Variants in STRN observed in about 807,000 individuals in gnomAD.
STRN encodes the protein protein phosphatase 2 regulatory subunit B'''alpha.
In STRN, 53 loss-of-function variants were observed where a neutral mutation model predicts 96.3. The ratio of observed to expected loss-of-function variants is 0.55; its 90% CI spans 0.44 to 0.69. The LOEUF is 0.69. STRN is among the 30% of genes least tolerant of loss of function. The pLI is 0.00. For synonymous variants in STRN, 428 were observed against 355.9 expected, an observed-to-expected ratio of 1.20 and a Z score of -2.28; for missense variants, 987 against 963.9, an observed-to-expected ratio of 1.02 and a Z score of -0.32.
In STRN at chr2:36,845,532, G is replaced by T. The variant is rs575638236; in HGVS notation, c.*3924C>A. ...TTTAACCTAAAAATATTTACTAGTT[G>T]AATCTTTACCACATAAGAACTTCAT... On this transcript the variant is annotated 3_prime_UTR_variant, in exon 18 of 18. Coordinates refer to ENST00000263918, the MANE Select transcript of STRN (RefSeq NM_003162.4). The T allele has an allele frequency of 1.3e-5, 2 of 152,150 alleles. No individual in the cohort carries two copies. The highest frequency in any genetic ancestry group is 4.8e-5 in the African/African-American group (2 of 41,520). The allele number at this position is 152,150 out of a possible 1,614,324, so 9.4% of individuals were successfully genotyped here.
intron 1 of STRN, 48 bp downstream of exon 1, chr2:36,966,182 G>GGGTCC: frequency 6.8e-7 from 1 of 1,477,686 alleles, no homozygotes; most frequent in South Asian, 1.3e-5. Flanking sequence ...CGGGGCGGAA[G>GGGTCC]GGAGCAAAGA....
intron 2 of STRN, among the ~76,000 whole-genome samples, chr2:36,917,757 A>G (rs1670148088): frequency 1.3e-5 from 2 of 152,064 alleles, no homozygotes; most frequent in African/African-American, 4.8e-5. Context: ...GTACATGAGT[A>G]TTTTTTATAA....
At chr2:36,853,947 A>G (rs1017706369) in intron 15 of STRN, among the ~76,000 whole-genome samples, 6 of 152,216 alleles carry the variant, frequency 3.9e-5, no homozygotes, top group Admixed American at 6.5e-5. Flanking sequence ...TTTGTTAAAA[A>G]CATTCTTGGA....
At position 36,841,786 on chromosome 2, in the gene STRN, G is replaced by C. The variant is rs1023751801; in HGVS notation, c.*7670C>G. The C allele has an allele frequency of 2.6e-5, 4 of 152,134 alleles. No individual in the cohort carries two copies. Among genetic ancestry groups the C allele is most frequent in the East Asian group, 1.9e-4 (1 of 5,200 alleles). The allele number at this position is 152,134 out of a possible 1,614,324, so 9.4% of individuals were successfully genotyped here. A position where few individuals can be genotyped will look rare whatever the true frequency, so the allele number is the denominator to read the frequency against. On this transcript the variant is annotated 3_prime_UTR_variant, in exon 18 of 18. Coordinates refer to ENST00000263918, the MANE Select transcript of STRN (RefSeq NM_003162.4). ...TGCCATGGGGCTCTAGGATACTTTTGATATATTTCCTAAAAATATTTAATT... is the reference window on the plus strand; with the variant it reads ...TGCCATGGGGCTCTAGGATACTTTTCATATATTTCCTAAAAATATTTAATT...
intron 1 of STRN, among the ~76,000 whole-genome samples, chr2:36,957,742 G>GTTTGT (rs1158709835): frequency 9.7e-6 from 1 of 103,132 alleles, no homozygotes; most frequent in Non-Finnish European, 1.9e-5. Context: ...TCTTCTTTTT[G>GTTTGT]TCTTTTTTTT....
At chr2:36,939,088 T>C (rs560523508) in intron 1 of STRN, among the ~76,000 whole-genome samples, 1 of 151,970 alleles carries the variant, frequency 6.6e-6, no homozygotes, top group Admixed American at 6.6e-5. Flanking sequence ...CTGGTTCAAG[T>C]GATTCTCCTG....
At position 36,854,218 on chromosome 2, in the gene STRN, G is replaced by A. The variant is rs1472683745; in HGVS notation, c.1978+994C>T. ...CATATTAGTTTTTTATTTTGCTACTGTAGCTTTGAGTCATATATTTAAACA... is the reference window on the plus strand; with the variant it reads ...CATATTAGTTTTTTATTTTGCTACTATAGCTTTGAGTCATATATTTAAACA... On this transcript the variant is annotated intron_variant, in intron 15 of 17. Transcript: ENST00000263918. 2.6e-5 allele frequency among the ~76,000 whole-genome samples: 4 copies of A among 152,074 alleles called. No homozygotes were observed. In the East Asian group the frequency reaches 7.7e-4, roughly 29 times the overall value.
intron 12 of STRN, among the ~76,000 whole-genome samples, chr2:36,862,843 T>C (rs971465907): frequency 6.6e-6 from 1 of 152,022 alleles, no homozygotes; most frequent in Non-Finnish European, 1.5e-5. Context: ...CACGCCGTTC[T>C]CCTGCCTCAG....
At chr2:36,964,071 CACAA>C in intron 1 of STRN, among the ~76,000 whole-genome samples, 1 of 151,026 alleles carries the variant, frequency 6.6e-6, no homozygotes, top group East Asian at 1.9e-4. Flanking sequence ...AAACATTTGC[CACAA>C]ACAACCCAGG....
intron 1 of STRN, among the ~76,000 whole-genome samples, chr2:36,949,028 G>A (rs554430517): frequency 1.3e-5 from 2 of 152,286 alleles, no homozygotes; most frequent in South Asian, 4.1e-4. Context: ...TATACATGAT[G>A]GTGGTCCCAT....
chr2:36,855,103 A>G, intron 15 of STRN, 109 bp downstream of exon 15: 1 of 1,163,292 alleles, frequency 8.6e-7, no homozygotes, highest in Non-Finnish European at 1.2e-6. Context: ...GAAAGTTAAG[A>G]GACAGAAAGC....
At chr2:36,950,115 A>G (rs6712744) in intron 1 of STRN, among the ~76,000 whole-genome samples, 143,989 of 152,022 alleles carry the variant, frequency 0.95, 68,281 homozygotes, top group East Asian at 1. Context: ...AATTCAGAGT[A>G]AAATGAAGGA....
intron 1 of STRN, among the ~76,000 whole-genome samples, chr2:36,950,137 A>G (rs1158429780): frequency 1.3e-5 from 2 of 151,786 alleles, no homozygotes; most frequent in South Asian, 2.1e-4. Context: ...AATGAGGGAC[A>G]GGATGGCAAT....
chr2:36,912,216 CTCT>C (rs775162782), intron 3 of STRN, among the ~76,000 whole-genome samples: 13 of 152,184 alleles, frequency 8.5e-5, no homozygotes, highest in African/African-American at 2.4e-4. Flanking sequence ...TTGGTTACTC[CTCT>C]AAGACACACA....
intron 4 of STRN, 158 bp from the exon 5 acceptor site, chr2:36,902,909 C>G: frequency 2.0e-6 from 1 of 489,154 alleles, no homozygotes; most frequent in Non-Finnish European, 3.3e-6. Flanking sequence ...CTTCCAGCTG[C>G]AGATGGAGCT....
chr2:36,927,266 G>C (rs927108666), intron 1 of STRN, among the ~76,000 whole-genome samples: 42 of 152,116 alleles, frequency 2.8e-4, no homozygotes, highest in African/African-American at 8.2e-4. Context: ...ACAGCACTTT[G>C]GGAGGCCGAG....
rs1326535143 is a variant in STRN at position 36,845,044 on chromosome 2, A to C, written c.*4412T>G. ...AACAGTAATGGAGAGGCAACTTCTG[A>C]GTAAATAAAATGAATGATTATGTAC... On this transcript the variant is annotated 3_prime_UTR_variant, in exon 18 of 18. Transcript: ENST00000263918. 3 of 152,162 alleles carry C rather than the reference A, an allele frequency of 2.0e-5. No individual in the cohort carries two copies. The highest frequency in any genetic ancestry group is 7.2e-5 in the African/African-American group (3 of 41,436). The allele number at this position is 152,162 out of a possible 1,614,324, so 9.4% of individuals were successfully genotyped here.
At chr2:36,852,080 A>C (rs570063349) in intron 15 of STRN, among the ~76,000 whole-genome samples, 30 of 152,222 alleles carry the variant, frequency 2.0e-4, no homozygotes, top group Non-Finnish European at 3.7e-4. Flanking sequence ...CAGGTGACAA[A>C]ATCAGTACCT....
chr2:36,948,010 A>T (rs1223980609), intron 1 of STRN, among the ~76,000 whole-genome samples: 1 of 151,568 alleles, frequency 6.6e-6, no homozygotes, highest in African/African-American at 2.4e-5. Flanking sequence ...AAAACAAAAT[A>T]ACCATCTTCC....
Sources: gnomAD v4.1 joint callset for allele counts (sites outside exome capture counted in the v4.1 genomes callset) on GRCh38, gnomAD v4.1.1 for gene constraint, MANE v1.5 for transcripts, NCBI Gene and HGNC (gene_info 2026-07-23, HGNC 2026-07-21) for gene names.